DMD: variants seen among roughly 807,000 people sequenced by gnomAD.
The protein encoded by DMD is mutant dystrophin.
DMD carries 63 observed loss-of-function variants against 330.1 expected under a neutral mutation model. The ratio of observed to expected loss-of-function variants is 0.19; its 90% confidence interval spans 0.16 to 0.24. The LOEUF is 0.24. Ranked by LOEUF, DMD falls within the 10% of genes least tolerant of loss-of-function variation. The pLI is 1.00. For missense variants in DMD, 3,344 were observed against 2,684.1 expected (o/e 1.25, Z -5.43); for synonymous variants, 1,223 against 959.8 (o/e 1.27, Z -5.07).
intron 57 of DMD, among the ~76,000 whole-genome samples, chrX:31,491,038 C>T (rs910831255): frequency 3.6e-5 from 4 of 112,468 alleles, no homozygotes; most frequent in African/African-American, 1.3e-4. Flanking sequence ...GTATTGATTA[C>T]TTCCATCTAA....
rs778466371 is a variant in DMD, at chrX:32,652,470, C to A, written c.961-7318G>T. Among the ~76,000 whole-genome samples, 10 of 110,092 alleles carry A rather than the reference C, an allele frequency of 9.1e-5. No homozygotes were observed. The East Asian group carries it at 2.9e-3, about 32-fold the overall frequency. ...GTCCCTACAAAGGACATGAACTCAT[C>A]CTGTTTTATGGCTGCATAGTATTTC... On this transcript the variant is annotated intron_variant, in intron 9 of 78. Coordinates refer to ENST00000357033, the MANE Select transcript of DMD (RefSeq NM_004006.3).
chrX:32,572,968 C>T (rs1180074862), intron 15 of DMD, among the ~76,000 whole-genome samples: 3 of 111,362 alleles, frequency 2.7e-5, no homozygotes, highest in Admixed American at 9.6e-5. Context: ...TATACACTGG[C>T]TCCCCTTCTC....
intron 7 of DMD, among the ~76,000 whole-genome samples, chrX:32,772,864 T>TCACGTTTATAACAG (rs368177735): frequency 5.2e-4 from 58 of 111,690 alleles, no homozygotes; most frequent in African/African-American, 1.8e-3. Flanking sequence ...AAAATAAACA[T>TCACGTTTATAACAG]ATCAAATTGT....
At chrX:32,985,880 C>A (rs185685884) in intron 2 of DMD, among the ~76,000 whole-genome samples, 2 of 111,626 alleles carry the variant, frequency 1.8e-5, no homozygotes, top group Non-Finnish European at 3.8e-5. Flanking sequence ...CTTTGTCCCC[C>A]AAAGGCATCG....
chrX:32,605,069 CAA>C (rs2056573773), intron 12 of DMD, among the ~76,000 whole-genome samples: 1 of 110,372 alleles, frequency 9.1e-6, no homozygotes, highest in Non-Finnish European at 1.9e-5. Flanking sequence ...CATAGAGAAT[CAA>C]AAAAGAGCCC....
intron 11 of DMD, among the ~76,000 whole-genome samples, chrX:32,616,690 CTTTTT>C (rs1173392895): frequency 3.3e-5 from 2 of 60,223 alleles, no homozygotes; most frequent in African/African-American, 7.8e-5. Flanking sequence ...GTTCTGGTTC[CTTTTT>C]TTTTTTTTTT....
chrX:31,945,876 C>T (rs2095079784), intron 45 of DMD, among the ~76,000 whole-genome samples: 1 of 111,489 alleles, frequency 9.0e-6, no homozygotes, highest in African/African-American at 3.3e-5. Context: ...AGATGTGTCT[C>T]CTCTGTGTGT....
chrX:31,932,681 G>T (rs1426504013), intron 45 of DMD, among the ~76,000 whole-genome samples: 1 of 112,026 alleles, frequency 8.9e-6, no homozygotes, highest in African/African-American at 3.2e-5. Flanking sequence ...GGAAGGCAGA[G>T]GCTGCAGTAA....
At chrX:32,805,863 C>G (rs2076910198) in intron 7 of DMD, among the ~76,000 whole-genome samples, 2 of 111,807 alleles carry the variant, frequency 1.8e-5, no homozygotes, top group South Asian at 7.5e-4. Context: ...AAATAGAATG[C>G]TTTAAAGACG....
chrX:33,111,215 T>C (rs2095337040), intron 1 of DMD, among the ~76,000 whole-genome samples: 2 of 111,487 alleles, frequency 1.8e-5, no homozygotes, highest in South Asian at 7.6e-4. Flanking sequence ...CAACACATCC[T>C]TGAAGAATGA....
intron 62 of DMD, among the ~76,000 whole-genome samples, chrX:31,268,043 T>A (rs1209625087): frequency 8.9e-6 from 1 of 112,288 alleles, no homozygotes; most frequent in Non-Finnish European, 1.9e-5. Context: ...ACAGTTTAAA[T>A]GTGGTCCCCT....
At chrX:32,162,111 C>A (rs946105067) in intron 44 of DMD, among the ~76,000 whole-genome samples, 5 of 111,369 alleles carry the variant, frequency 4.5e-5, no homozygotes, top group African/African-American at 1.6e-4. Context: ...AGCAAACCAC[C>A]GTGGCAAATG....
intron 44 of DMD, among the ~76,000 whole-genome samples, chrX:32,134,587 A>C (rs1198596270): frequency 2.7e-5 from 3 of 111,327 alleles, no homozygotes; most frequent in Non-Finnish European, 5.7e-5. Context: ...CACAATTCTA[A>C]AAAAAAGATA....
At chrX:33,045,315 T>TACACACACACACACACACACACACACAC (rs55970492) in intron 1 of DMD, among the ~76,000 whole-genome samples, 7 of 96,725 alleles carry the variant, frequency 7.2e-5, no homozygotes, top group Non-Finnish European at 1.2e-4. Context: ...CACAGGTGCG[T>TACACACACACACACACACACACACACAC]ACACACACAC....
chrX:32,735,838 T>G (rs2068389438), intron 7 of DMD, among the ~76,000 whole-genome samples: 1 of 111,761 alleles, frequency 8.9e-6, no homozygotes, highest in African/African-American at 3.3e-5. Context: ...GGCATTACCA[T>G]TCAGGACATA....
In DMD at chrX:32,464,368, C is replaced by T. The variant is rs111613598; in HGVS notation, c.3276+218G>A. On this transcript the variant is annotated intron_variant, in intron 24 of 78. Transcript: ENST00000357033. ...CTGGAGGAATGTTCTATGGACTGTACGATATTTAGCAGCATCTCTCTCCTC... is the reference window on the plus strand; with the variant it reads ...CTGGAGGAATGTTCTATGGACTGTATGATATTTAGCAGCATCTCTCTCCTC... Among the ~76,000 whole-genome samples the T allele has an allele frequency of 4.1e-3, 453 of 109,982 alleles. 1 individual carries two copies. Among genetic ancestry groups the T allele is most frequent in the African/African-American group, 0.014 (419 of 30,196 alleles).
chrX:33,307,403 G>C (rs2053779217), intron 1 of DMD, among the ~76,000 whole-genome samples: 1 of 112,364 alleles, frequency 8.9e-6, no homozygotes, highest in Non-Finnish European at 1.9e-5. Flanking sequence ...AAGAGTAAAA[G>C]ATCAGAGGCT....
At chrX:33,008,930 A>C (rs1312370891) in intron 2 of DMD, among the ~76,000 whole-genome samples, 1 of 84,574 alleles carries the variant, frequency 1.2e-5, no homozygotes, top group Non-Finnish European at 2.4e-5. Context: ...ATATACATGT[A>C]TATATACACA....
intron 7 of DMD, among the ~76,000 whole-genome samples, chrX:32,781,401 CT>C (rs1302094356): frequency 1.8e-5 from 2 of 111,836 alleles, no homozygotes; most frequent in African/African-American, 3.2e-5. Context: ...GTTGTTTACT[CT>C]GTTAATATTG....
Sources: gnomAD v4.1 joint callset for allele counts (sites outside exome capture counted in the v4.1 genomes callset) on GRCh38, gnomAD v4.1.1 for gene constraint, MANE v1.5 for transcripts, NCBI Gene and HGNC (gene_info 2026-07-23, HGNC 2026-07-21) for gene names.